Variants in STK32B observed in about 807,000 individuals in gnomAD.
STK32B encodes serine/threonine kinase 32B, also known as serine/threonine-protein kinase 32B.
A neutral mutation model predicts 52.6 loss-of-function variants in STK32B; 43 were observed. The ratio of observed to expected loss-of-function variants is 0.82; its 90% CI spans 0.64 to 1.05. The LOEUF is 1.05. Among genes scored for constraint, STK32B ranks in the 50% least tolerant of loss-of-function variants. The pLI, the probability that STK32B is intolerant of heterozygous loss-of-function variation, is 0.00. For synonymous variants in STK32B, 238 were observed against 204.3 expected, an observed-to-expected ratio of 1.17 and a Z score of -1.41; for missense variants, 621 against 534.6, an observed-to-expected ratio of 1.16 and a Z score of -1.59.
At chr4:5,163,783 T>A (rs1443879706) in intron 2 of STK32B, among the ~76,000 whole-genome samples, 1 of 152,218 alleles carries the variant, frequency 6.6e-6, no homozygotes, top group Non-Finnish European at 1.5e-5. Context: ...AAATTCTCCC[T>A]ATTTCTGAAA....
intron 1 of STK32B, among the ~76,000 whole-genome samples, chr4:5,069,132 C>G (rs574333415): frequency 4.0e-5 from 6 of 150,966 alleles, no homozygotes; most frequent in Admixed American, 6.6e-5. Flanking sequence ...GTGGAGAGGT[C>G]TGCAAGGTAT....
At chr4:5,243,151 C>G (rs1042651281) in intron 3 of STK32B, among the ~76,000 whole-genome samples, 2 of 152,276 alleles carry the variant, frequency 1.3e-5, no homozygotes, top group East Asian at 1.9e-4. Context: ...GGCATTGAAT[C>G]TATAAATTAC....
chr4:5,348,028 A>G (rs1733581517), intron 4 of STK32B, among the ~76,000 whole-genome samples: 2 of 152,222 alleles, frequency 1.3e-5, no homozygotes, highest in Non-Finnish European at 2.9e-5. Flanking sequence ...ATCATCTAAG[A>G]GAGAATACAG....
At chr4:5,155,150 CA>C (rs1209961830) in intron 2 of STK32B, among the ~76,000 whole-genome samples, 1 of 152,208 alleles carries the variant, frequency 6.6e-6, no homozygotes, top group African/African-American at 2.4e-5. Flanking sequence ...CAGGTGTTTG[CA>C]AGGCTCACTT....
intron 3 of STK32B, among the ~76,000 whole-genome samples, chr4:5,296,041 C>T (rs1312293855): frequency 1.3e-5 from 2 of 152,138 alleles, no homozygotes; most frequent in Non-Finnish European, 2.9e-5. Flanking sequence ...CATTCAAGAG[C>T]AGATTGTTCA....
chr4:5,389,015 C>A lies in STK32B; in HGVS notation c.435-9192C>A, dbSNP rs1222959391. On this transcript the variant is annotated intron_variant, in intron 4 of 11. Coordinates refer to ENST00000282908, the MANE Select transcript of STK32B (RefSeq NM_018401.3). ...TGCAGGATTAAAAAAAAATCAGCAA[C>A]CCCCAAGCATGGCTTGACTGGATGC... Among the ~76,000 whole-genome samples, 3 of 152,134 alleles carry A rather than the reference C, an allele frequency of 2.0e-5. No individual in the cohort carries two copies. In the East Asian group the frequency reaches 5.8e-4, roughly 29 times the overall value.
At chr4:5,225,600 A>G (rs1723812224) in intron 3 of STK32B, among the ~76,000 whole-genome samples, 1 of 152,104 alleles carries the variant, frequency 6.6e-6, no homozygotes, top group Non-Finnish European at 1.5e-5. Context: ...GGTGGCTGAC[A>G]GGTTCAGAAC....
At chr4:5,179,080 C>T (rs554263838) in intron 3 of STK32B, among the ~76,000 whole-genome samples, 3 of 152,374 alleles carry the variant, frequency 2.0e-5, no homozygotes, top group South Asian at 4.1e-4. Context: ...GTTTAACTTA[C>T]TCTCAGTTCT....
chr4:5,126,208 G>A (rs1475661608), intron 1 of STK32B, among the ~76,000 whole-genome samples: 1 of 152,192 alleles, frequency 6.6e-6, no homozygotes, highest in Admixed American at 6.5e-5. Context: ...TGTTAAAATT[G>A]TTTTAGTTCT....
chr4:5,444,301 T>C (rs1486948433), intron 6 of STK32B, among the ~76,000 whole-genome samples: 2 of 152,246 alleles, frequency 1.3e-5, no homozygotes, highest in Non-Finnish European at 2.9e-5. Context: ...TATAATCTTG[T>C]GGTGCACCGT....
intron 3 of STK32B, among the ~76,000 whole-genome samples, chr4:5,307,453 C>T (rs984204322): frequency 1.3e-5 from 2 of 151,302 alleles, no homozygotes; most frequent in Admixed American, 6.6e-5. Flanking sequence ...GTGCATTTTG[C>T]ATTTCTCTAA....
At chr4:5,142,003 T>A (rs963037151) in intron 2 of STK32B, among the ~76,000 whole-genome samples, 3 of 152,314 alleles carry the variant, frequency 2.0e-5, no homozygotes, top group African/African-American at 7.2e-5. Context: ...ATTGGTCACA[T>A]GACCACTGCT....
intron 3 of STK32B, among the ~76,000 whole-genome samples, chr4:5,268,707 C>T (rs748012058): frequency 1.3e-5 from 2 of 152,046 alleles, no homozygotes; most frequent in Non-Finnish European, 2.9e-5. Context: ...TATATTCCTG[C>T]ACCTGCACAT....
rs1712078264 is a variant in STK32B, at chr4:5,076,421, G to T, written c.52+24506G>T. ...AAACGATGCAAAATTGACCATGTTT[G>T]CTTATAAATTTTTTACCTTGCATTC... On this transcript the variant is annotated intron_variant, in intron 1 of 11. Coordinates refer to ENST00000282908, the MANE Select transcript of STK32B (RefSeq NM_018401.3). Among the ~76,000 whole-genome samples the T allele has an allele frequency of 3.3e-5, 5 of 152,174 alleles. No individual in the cohort carries two copies. The South Asian group carries it at 1.0e-3, about 32-fold the overall frequency.
intron 3 of STK32B, among the ~76,000 whole-genome samples, chr4:5,219,463 A>G (rs955297610): frequency 3.9e-5 from 6 of 152,244 alleles, no homozygotes; most frequent in African/African-American, 1.4e-4. Context: ...TGTGTTTTGC[A>G]TGTTACTTAA....
chr4:5,266,956 C>T (rs1409820216), intron 3 of STK32B, among the ~76,000 whole-genome samples: 1 of 151,984 alleles, frequency 6.6e-6, no homozygotes, highest in African/African-American at 2.4e-5. Flanking sequence ...ATATTTTTGC[C>T]CACTGCAGCA....
intron 1 of STK32B, among the ~76,000 whole-genome samples, chr4:5,074,155 T>A (rs1450249459): frequency 2.0e-5 from 3 of 151,338 alleles, no homozygotes; most frequent in Admixed American, 6.6e-5. Context: ...TTCCACAGAC[T>A]ACCGGAGATT....
intron 3 of STK32B, among the ~76,000 whole-genome samples, chr4:5,324,530 T>A (rs1191120844): frequency 1.3e-5 from 2 of 152,154 alleles, no homozygotes; most frequent in African/African-American, 4.8e-5. Flanking sequence ...TTTTTCAACC[T>A]CAGCACTGTT....
intron 1 of STK32B, among the ~76,000 whole-genome samples, chr4:5,059,464 T>C (rs1051459641): frequency 7.2e-5 from 11 of 152,218 alleles, no homozygotes; most frequent in Admixed American, 6.5e-4. Flanking sequence ...TCTATTGAGA[T>C]GATATGTGAC....
Sources: gnomAD v4.1 joint callset for allele counts (sites outside exome capture counted in the v4.1 genomes callset) on GRCh38, gnomAD v4.1.1 for gene constraint, MANE v1.5 for transcripts, NCBI Gene and HGNC (gene_info 2026-07-23, HGNC 2026-07-21) for gene names.